LSM10: variants seen among roughly 807,000 people sequenced by gnomAD.
LSM10 encodes the protein U7 snRNA-associated Sm-like protein LSm10.
LSM10 carries 4 observed loss-of-function variants against 5.2 expected under a neutral mutation model. The observed-to-expected ratio is 0.77, with a 90% confidence interval of 0.38 to 1.77. The LOEUF (loss-of-function observed/expected upper bound fraction) is 1.77. Ranked by LOEUF, LSM10 falls within the 40% of genes most tolerant of loss-of-function variation. The probability of loss-of-function intolerance (pLI) is 0.04; values close to 1 mark genes in which losing one functional copy is unlikely to be tolerated. For synonymous variants in LSM10, 63 were observed against 67.4 expected (o/e 0.94, Z 0.32); for missense variants, 150 against 171.6 (o/e 0.87, Z 0.70).
Position 36,395,547 on chromosome 1 carries a change from G to A in LSM10, c.-24-1394C>T, listed in dbSNP as rs113428593. ...TAATCCCAGCACTTTGGGAGGCCAA[G>A]GTGGGTGGATCACTGGGGCTAGGAA... On this transcript the variant is annotated intron_variant, in intron 1 of 1. Transcript: ENST00000315732. Among the ~76,000 whole-genome samples the A allele has an allele frequency of 8.8e-3, 1,347 of 152,224 alleles. 22 individuals carry two copies. The highest frequency in any genetic ancestry group is 0.03 in the African/African-American group (1,264 of 41,518).
chr1:36,397,392 T>C (rs960696559), intron 1 of LSM10, among the ~76,000 whole-genome samples: 1 of 152,158 alleles, frequency 6.6e-6, no homozygotes, highest in Admixed American at 6.5e-5. Flanking sequence ...GCTAGGTCCC[T>C]GGGCATGGCC....
In LSM10 at chr1:36,393,850, T is replaced by C. The variant is rs1346309631; in HGVS notation, c.280A>G (p.Ile94Val). 1 of 1,614,222 alleles carries C rather than the reference T, an allele frequency of 6.2e-7. No individual in the cohort carries two copies. The highest frequency in any genetic ancestry group is 8.5e-7 in the Non-Finnish European group (1 of 1,180,036). The change falls in exon 2 of 2, where the codon ATT becomes GTT. Residue 94 changes from isoleucine to valine, a missense_variant. Coordinates refer to ENST00000315732, the MANE Select transcript of LSM10 (RefSeq NM_032881.3). ...TGGATAATCTGCAGCTGCTGCTCAA[T>C]GGTCGAGGTGATGTTCACGTCATCT... ...IPDDVNITST[I>V]EQQLQIIHRV...
Position 36,393,498 on chromosome 1 carries a change from A to G in LSM10, c.*260T>C. On this transcript the variant is annotated 3_prime_UTR_variant, in exon 2 of 2. Coordinates refer to ENST00000315732, the MANE Select transcript of LSM10 (RefSeq NM_032881.3). ...TTGAAAACTACTTGACAGGTTCCAT[A>G]ATCAATAAGTCAGAGATTCAGATCA... The G allele has an allele frequency of 1.9e-6, 1 of 532,272 alleles. No individual in the cohort carries two copies. Among genetic ancestry groups the G allele is most frequent in the Non-Finnish European group, 3.4e-6 (1 of 295,542 alleles). 33.0% of individuals were successfully genotyped at this position (532,272 alleles called of 1,614,324 possible).
rs777667873 is a variant in LSM10, at chr1:36,394,137, C to T, written c.-8G>A. ...TGAATGGCTCACCGCCATTCTTCCA[C>T]ACCAGCTGCCTGCTTGCTGTGGACA... On this transcript the variant is annotated 5_prime_UTR_variant, in exon 2 of 2. In the 5' UTR this introduces an upstream ATG that the reference lacks. Coordinates refer to ENST00000315732, the MANE Select transcript of LSM10 (RefSeq NM_032881.3). The T allele has an allele frequency of 5.0e-6, 8 of 1,603,912 alleles. No homozygotes were observed. In the South Asian group the frequency reaches 8.8e-5, roughly 18 times the overall value.
rs1487638289 is a variant in LSM10 at position 36,393,522 on chromosome 1, C to A, written c.*236G>T. 12 of 571,778 alleles carry A rather than the reference C, an allele frequency of 2.1e-5. No individual in the cohort carries two copies. The highest frequency in any genetic ancestry group is 4.3e-5 in the South Asian group (2 of 46,226). The allele number at this position is 571,778 out of a possible 1,614,324, so 35.4% of individuals were successfully genotyped here. ...TAATCAATAAGTCAGAGATTCAGAT[C>A]ATCAAAAAGGGGGATTGTCACCTAC... is the stretch of plus-strand genomic sequence containing the variant. On this transcript the variant is annotated 3_prime_UTR_variant, in exon 2 of 2. Coordinates refer to ENST00000315732, the MANE Select transcript of LSM10 (RefSeq NM_032881.3).
chr1:36,395,295 A>C (rs935580984), intron 1 of LSM10, among the ~76,000 whole-genome samples: 1 of 152,230 alleles, frequency 6.6e-6, no homozygotes, highest in African/African-American at 2.4e-5. Flanking sequence ...CTTGTTGGTC[A>C]ATTATAAATT....
chr1:36,394,895 C>G (rs998095686), intron 1 of LSM10, among the ~76,000 whole-genome samples: 4 of 151,966 alleles, frequency 2.6e-5, no homozygotes, highest in African/African-American at 9.7e-5. Flanking sequence ...CACCTGAGGT[C>G]AGGAGTTCGA....
chr1:36,396,997 A>C (rs1647161723), intron 1 of LSM10, among the ~76,000 whole-genome samples: 1 of 152,034 alleles, frequency 6.6e-6, no homozygotes, highest in African/African-American at 2.4e-5. Flanking sequence ...CTGGATAATG[A>C]ATTGGGGAAA....
intron 1 of LSM10, among the ~76,000 whole-genome samples, chr1:36,394,638 C>G (rs1175483481): frequency 6.6e-6 from 1 of 151,938 alleles, no homozygotes; most frequent in Non-Finnish European, 1.5e-5. Context: ...AACCCCGTCT[C>G]TACTAAAAAT....
Position 36,393,800 on chromosome 1 carries a change from C to A in LSM10, c.330G>T (p.Lys110Asn). The A allele has an allele frequency of 6.2e-7, 1 of 1,614,254 alleles. No individual in the cohort carries two copies. Among genetic ancestry groups the A allele is most frequent in the Non-Finnish European group, 8.5e-7 (1 of 1,180,044 alleles). ...IIHRVRNFGG[K>N]GQGRWEFPPK... ...GGGGAAATTCCCACCGGCCTTGGCC[C>A]TTGCCACCAAAGTTTCGCACCCGAT... is the stretch of plus-strand genomic sequence containing the variant. The change falls in exon 2 of 2, where the codon AAG becomes AAT. Residue 110 changes from lysine to asparagine, a missense_variant. Transcript: ENST00000315732.
intron 1 of LSM10, among the ~76,000 whole-genome samples, chr1:36,395,826 C>T (rs1341184026): frequency 1.3e-5 from 2 of 151,566 alleles, no homozygotes; most frequent in African/African-American, 4.9e-5. Flanking sequence ...AACCTCACAC[C>T]AGGTGTGCAT....
chr1:36,396,926 C>CCACTGCACACCAGCCTGGGTGA (rs1647161373), intron 1 of LSM10, among the ~76,000 whole-genome samples: 1 of 151,820 alleles, frequency 6.6e-6, no homozygotes, highest in Admixed American at 6.6e-5. Context: ...CAAGATTGTG[C>CCACTGCACACCAGCCTGGGTGA]CACTGCACAC....
chr1:36,396,982 T>C (rs765156514), intron 1 of LSM10, among the ~76,000 whole-genome samples: 2 of 148,120 alleles, frequency 1.4e-5, no homozygotes, highest in African/African-American at 5.0e-5. Flanking sequence ...AAAAAGAAAA[T>C]AAATCTGGAT....
rs1647166531 is a variant in LSM10 at position 36,397,844 on chromosome 1, G to T, written c.-102C>A. 1 of 152,246 alleles carries T rather than the reference G, an allele frequency of 6.6e-6. No individual in the cohort carries two copies. The highest frequency in any genetic ancestry group is 2.4e-5 in the African/African-American group (1 of 41,448). 9.4% of individuals were successfully genotyped at this position (152,246 alleles called of 1,614,324 possible). A position where few individuals can be genotyped will look rare whatever the true frequency, so the allele number is the denominator to read the frequency against. On this transcript the variant is annotated 5_prime_UTR_variant, in exon 1 of 2. Transcript: ENST00000315732. The stretch of plus-strand genomic sequence containing the variant: ...GCGCCTGGACTGGCTGCCTCCCGCC[G>T]GCTGCAGCAGGACGGAGAAACCATG...
chr1:36,397,619 C>G (rs1453598248), intron 1 of LSM10, 148 bp downstream of exon 1: 2 of 152,272 alleles, frequency 1.3e-5, no homozygotes, highest in Non-Finnish European at 1.5e-5. Context: ...ACCGCTTACT[C>G]AGAGCAGCGG....
chr1:36,394,432 G>T (rs1647143545), intron 1 of LSM10, among the ~76,000 whole-genome samples: 3 of 152,166 alleles, frequency 2.0e-5, no homozygotes, highest in Admixed American at 2.0e-4. Flanking sequence ...GGAGACTGAG[G>T]TAGGAGCTTC....
At chr1:36,394,198 G>C in intron 1 of LSM10, 45 bp from the exon 2 acceptor site, 1 of 1,532,874 alleles carries the variant, frequency 6.5e-7, no homozygotes. Flanking sequence ...AGGGTAGGGG[G>C]TACAGTTGCC....
chr1:36,396,667 G>T (rs1326385663), intron 1 of LSM10, among the ~76,000 whole-genome samples: 2 of 152,222 alleles, frequency 1.3e-5, no homozygotes, highest in Non-Finnish European at 2.9e-5. Context: ...CAGCTGTTAT[G>T]TAAGTAGAAA....
At chr1:36,394,193 AG>A in intron 1 of LSM10, 40 bp from the exon 2 acceptor site, 2 of 1,545,874 alleles carry the variant, frequency 1.3e-6, no homozygotes, top group Non-Finnish European at 1.7e-6. Flanking sequence ...ATAGCAGGGT[AG>A]GGGGTACAGT....
Sources: allele counts gnomAD v4.1 joint callset (sites outside exome capture counted in the v4.1 genomes callset), GRCh38; gene constraint gnomAD v4.1.1; transcripts MANE v1.5; gene names NCBI Gene and HGNC (gene_info 2026-07-23, HGNC 2026-07-21).